PTPRN2: variants seen among roughly 807,000 people sequenced by gnomAD.
PTPRN2 encodes protein tyrosine phosphatase receptor type N2.
In PTPRN2, 74 loss-of-function variants were observed where a neutral mutation model predicts 118.8. That is an observed-to-expected ratio of 0.62 (90% CI 0.52 to 0.76). The LOEUF (loss-of-function observed/expected upper bound fraction) is 0.76. PTPRN2 is among the 30% of genes least tolerant of loss of function. The pLI is 0.00. For missense variants in PTPRN2, 1,481 were observed against 1,394.4 expected, an observed-to-expected ratio of 1.06 and a Z score of -0.99; for synonymous variants, 641 against 608.0, an observed-to-expected ratio of 1.05 and a Z score of -0.80.
rs1331198415 is a variant in PTPRN2 at position 158,130,835 on chromosome 7, TACAC to T, written c.1556+2838_1556+2841del. On this transcript the variant is annotated intron_variant, in intron 9 of 22. Coordinates refer to ENST00000389418, the MANE Select transcript of PTPRN2 (RefSeq NM_002847.5). ...ACACACACACATACACACACGTACA[TACAC>T]ACACATCTACCCAACACACACACTC... 5.6e-5 allele frequency among the ~76,000 whole-genome samples: 8 copies of T among 143,180 alleles called. No homozygotes were observed. In the South Asian group the frequency reaches 6.7e-4, roughly 12 times the overall value. 93.9% of individuals were successfully genotyped at this position (143,180 alleles called of 152,430 possible).
chr7:157,695,531 A>G (rs543483339), intron 12 of PTPRN2, among the ~76,000 whole-genome samples: 1 of 152,360 alleles, frequency 6.6e-6, no homozygotes, highest in East Asian at 1.9e-4. Context: ...CTTCATGCAT[A>G]TATTTAAAGA....
rs147011898 is a variant in PTPRN2 at position 157,795,300 on chromosome 7, G to A, written c.1788+103373C>T. 2.0e-5 allele frequency among the ~76,000 whole-genome samples: 3 copies of A among 152,312 alleles called. No individual in the cohort carries two copies. In the East Asian group the frequency reaches 5.8e-4, roughly 29 times the overall value. ...AGGAGGGAGGGTGCTCAAACTAAAA[G>A]CCCCTCACCTATGCACCTGGGAGGC... On this transcript the variant is annotated intron_variant, in intron 12 of 22. Transcript: ENST00000389418.
intron 12 of PTPRN2, among the ~76,000 whole-genome samples, chr7:157,879,754 G>T (rs1013849401): frequency 1.3e-5 from 2 of 150,900 alleles, no homozygotes; most frequent in African/African-American, 4.9e-5. Flanking sequence ...CACCCCACGT[G>T]AGCCCGGCTT....
chr7:157,776,352 CTCT>C, intron 12 of PTPRN2, among the ~76,000 whole-genome samples: 1 of 128,124 alleles, frequency 7.8e-6, no homozygotes, highest in African/African-American at 3.1e-5. Context: ...CCTCCTTCTC[CTCT>C]TCCTCCCTCC....
chr7:158,458,344 G>A (rs1818687299), intron 2 of PTPRN2, among the ~76,000 whole-genome samples: 1 of 152,142 alleles, frequency 6.6e-6, no homozygotes, highest in African/African-American at 2.4e-5. Context: ...AGGCTGAGAA[G>A]CTCGGCCCCC....
chr7:157,975,997 C>T (rs779651878), intron 11 of PTPRN2, among the ~76,000 whole-genome samples: 3 of 152,186 alleles, frequency 2.0e-5, no homozygotes, highest in Non-Finnish European at 4.4e-5. Context: ...GAACTTCTGT[C>T]GAGGATGGCA....
At position 158,138,409 on chromosome 7, in the gene PTPRN2, C is replaced by CA. The variant is rs1563492989; in HGVS notation, c.1016dup (p.Met340AspfsTer40). On this transcript the variant is annotated frameshift_variant, in exon 7 of 23. Coordinates refer to ENST00000389418, the MANE Select transcript of PTPRN2 (RefSeq NM_002847.5). LOFTEE classifies it high-confidence loss of function. ...CTACTCCATGGTCCACGCCTTGCATCAGGCCAGCCATCAGCTCAGCCATGC... is the reference window on the plus strand; with the variant it reads ...CTACTCCATGGTCCACGCCTTGCATCAAGGCCAGCCATCAGCTCAGCCATGC... 1 of 1,613,660 alleles carries CA rather than the reference C, an allele frequency of 6.2e-7. No homozygotes were observed. The highest frequency in any genetic ancestry group is 8.5e-7 in the Non-Finnish European group (1 of 1,179,928).
intron 16 of PTPRN2, among the ~76,000 whole-genome samples, chr7:157,601,707 G>C (rs926033832): frequency 1.3e-5 from 2 of 152,248 alleles, no homozygotes; most frequent in African/African-American, 4.8e-5. Context: ...CTTGGCTGTG[G>C]CCTGGAATAG....
intron 1 of PTPRN2, among the ~76,000 whole-genome samples, chr7:158,568,189 G>A (rs2129451287): frequency 6.6e-6 from 1 of 152,146 alleles, no homozygotes; most frequent in Non-Finnish European, 1.5e-5. Context: ...GGAGGCAAAG[G>A]TTGCAGTGAG....
At chr7:158,486,611 T>C (rs1013524383) in intron 2 of PTPRN2, among the ~76,000 whole-genome samples, 2 of 152,218 alleles carry the variant, frequency 1.3e-5, no homozygotes, top group East Asian at 1.9e-4. Context: ...TCCAGAGTTA[T>C]GAATTACCAA....
At chr7:158,034,168 G>A (rs1807914710) in intron 11 of PTPRN2, among the ~76,000 whole-genome samples, 2 of 148,066 alleles carry the variant, frequency 1.4e-5, no homozygotes, top group African/African-American at 5.0e-5. Flanking sequence ...TCTGAGGCCT[G>A]GGTGAGCGTC....
At chr7:157,624,080 T>C (rs1803423199) in intron 14 of PTPRN2, among the ~76,000 whole-genome samples, 1 of 152,136 alleles carries the variant, frequency 6.6e-6, no homozygotes, top group African/African-American at 2.4e-5. Context: ...TTAGTACAGA[T>C]GCTCCCCTAC....
chr7:157,566,130 C>T (rs1334123337), intron 21 of PTPRN2, among the ~76,000 whole-genome samples: 3 of 152,346 alleles, frequency 2.0e-5, no homozygotes, highest in East Asian at 1.9e-4. Flanking sequence ...TGTCTGCGGC[C>T]GCAGCTGCTG....
Position 158,466,672 on chromosome 7 carries a change from T to G in PTPRN2, c.163+23063A>C, listed in dbSNP as rs552471741. 2.0e-5 allele frequency among the ~76,000 whole-genome samples: 3 copies of G among 152,316 alleles called. No homozygotes were observed. In the South Asian group the frequency reaches 6.2e-4, roughly 32 times the overall value. ...TTCTGCCCATTTAATTTCTTCTGGA[T>G]CTATAACCAAAAGAGGCGTTGATGG... On this transcript the variant is annotated intron_variant, in intron 2 of 22. Transcript: ENST00000389418.
chr7:158,078,277 C>T (rs1812530227), intron 11 of PTPRN2, among the ~76,000 whole-genome samples: 1 of 152,222 alleles, frequency 6.6e-6, no homozygotes, highest in Non-Finnish European at 1.5e-5. Flanking sequence ...AGCCTCAGGT[C>T]CTCAGGCCCT....
intron 2 of PTPRN2, among the ~76,000 whole-genome samples, chr7:158,412,614 C>T (rs1197923574): frequency 8.6e-5 from 9 of 105,024 alleles, no homozygotes; most frequent in Non-Finnish European, 1.4e-4. Context: ...CCAGTGCCCT[C>T]CTCAGCACCA....
At chr7:158,165,475 G>A (rs1477296342) in intron 6 of PTPRN2, among the ~76,000 whole-genome samples, 4 of 152,240 alleles carry the variant, frequency 2.6e-5, no homozygotes, top group South Asian at 2.1e-4. Context: ...ATGGTCACAC[G>A]TCCTTCCCTC....
chr7:157,719,525 C>T (rs1049312789), intron 12 of PTPRN2, among the ~76,000 whole-genome samples: 12 of 152,390 alleles, frequency 7.9e-5, no homozygotes, highest in South Asian at 2.1e-4. Context: ...CCTGGGAACG[C>T]GGAGAACTTC....
chr7:157,891,348 C>T (rs1423284561), intron 12 of PTPRN2, among the ~76,000 whole-genome samples: 9 of 152,012 alleles, frequency 5.9e-5, no homozygotes, highest in Admixed American at 2.0e-4. Context: ...CGAACACATC[C>T]GTCACCCATC....
Sources: allele counts gnomAD v4.1 joint callset (sites outside exome capture counted in the v4.1 genomes callset), GRCh38; gene constraint gnomAD v4.1.1; transcripts MANE v1.5; gene names NCBI Gene and HGNC (gene_info 2026-07-23, HGNC 2026-07-21).